Variants in KCNK2 observed in about 807,000 individuals in gnomAD.
KCNK2 encodes potassium two pore domain channel subfamily K member 2.
KCNK2 carries 21 observed loss-of-function variants against 40.5 expected under a neutral mutation model. The observed-to-expected ratio is 0.52, with a 90% confidence interval of 0.37 to 0.75. KCNK2 has a LOEUF of 0.75. KCNK2 is among the 30% of genes least tolerant of loss of function. The pLI, the probability that KCNK2 is intolerant of heterozygous loss-of-function variation, is 0.00. For missense variants in KCNK2, 399 were observed against 531.6 expected, an observed-to-expected ratio of 0.75 and a Z score of 2.45; for synonymous variants, 191 against 202.2, an observed-to-expected ratio of 0.94 and a Z score of 0.47.
intron 2 of KCNK2, among the ~76,000 whole-genome samples, chr1:215,119,711 A>G (rs1399541194): frequency 1.3e-5 from 2 of 152,192 alleles, no homozygotes; most frequent in Non-Finnish European, 2.9e-5. Flanking sequence ...GCTTATCTTA[A>G]CCTAAACCAT....
rs200410232 is a variant in KCNK2, at chr1:215,051,135, G to C, written c.35-35233G>C. ...GCTGGAGGATAGTGGCCATTCACAG[G>C]TGCAATCATTTTATACCGCCACCTC... On this transcript the variant is annotated intron_variant, in intron 1 of 6. Transcript: ENST00000391895. Among the ~76,000 whole-genome samples, 20 of 152,234 alleles carry C rather than the reference G, an allele frequency of 1.3e-4. No individual in the cohort carries two copies. In the East Asian group the frequency reaches 3.7e-3, roughly 28 times the overall value.
At chr1:215,186,271 C>T (rs571410459) in intron 5 of KCNK2, among the ~76,000 whole-genome samples, 1 of 152,096 alleles carries the variant, frequency 6.6e-6, no homozygotes, top group East Asian at 1.9e-4. Flanking sequence ...ATTAGCTGTA[C>T]ATGGTGGCAT....
chr1:215,223,384 G>A (rs1446709564), intron 6 of KCNK2, among the ~76,000 whole-genome samples: 4 of 152,034 alleles, frequency 2.6e-5, no homozygotes, highest in African/African-American at 4.8e-5. Context: ...GACAGGACTG[G>A]CTTACCTTTG....
intron 1 of KCNK2, among the ~76,000 whole-genome samples, chr1:215,085,752 A>C (rs1659403694): frequency 6.6e-6 from 1 of 152,222 alleles, no homozygotes; most frequent in Admixed American, 6.5e-5. Flanking sequence ...TTTGGAGGAC[A>C]GGCAAAAAGA....
At chr1:215,006,455 G>A (rs190207261) in intron 1 of KCNK2, among the ~76,000 whole-genome samples, 11 of 152,056 alleles carry the variant, frequency 7.2e-5, no homozygotes, top group Non-Finnish European at 1.5e-4. Flanking sequence ...GGGAAGAAAA[G>A]GTACGATAGT....
At chr1:215,222,168 C>A (rs555198474) in intron 6 of KCNK2, among the ~76,000 whole-genome samples, 1 of 152,196 alleles carries the variant, frequency 6.6e-6, no homozygotes, top group African/African-American at 2.4e-5. Context: ...AACATCTCCC[C>A]CCAGTCCCCA....
At chr1:215,168,630 G>A (rs766161783) in intron 3 of KCNK2, among the ~76,000 whole-genome samples, 23 of 152,068 alleles carry the variant, frequency 1.5e-4, no homozygotes, top group Admixed American at 4.6e-4. Flanking sequence ...ACATGTTCTC[G>A]CTCATAAGTG....
At chr1:215,105,792 A>C (rs757974691) in intron 2 of KCNK2, among the ~76,000 whole-genome samples, 4 of 151,660 alleles carry the variant, frequency 2.6e-5, no homozygotes, top group Non-Finnish European at 4.4e-5. Flanking sequence ...TCCCATCTTT[A>C]TGTCTGTGCA....
chr1:215,131,006 G>T (rs1304067848), intron 3 of KCNK2, among the ~76,000 whole-genome samples: 1 of 150,620 alleles, frequency 6.6e-6, no homozygotes, highest in Non-Finnish European at 1.5e-5. Context: ...GACTACAGGC[G>T]CCCGCCACTG....
rs200970212 is a variant in KCNK2 at position 215,016,252 on chromosome 1, C to CA, written c.34+10304dup. On this transcript the variant is annotated intron_variant, in intron 1 of 6. Coordinates refer to the KCNK2 transcript ENST00000391895. ...ATTCAGAGCATGAAGCATACGGAGA[C>CA]AAAAAAATGAAAAATACAAGAGTTA... is the stretch of plus-strand genomic sequence containing the variant. Among the ~76,000 whole-genome samples the CA allele has an allele frequency of 2.6e-3, 392 of 151,270 alleles. 4 individuals are homozygous for CA. The East Asian group carries it at 0.026, about 10-fold the overall frequency.
intron 2 of KCNK2, among the ~76,000 whole-genome samples, chr1:215,112,144 C>A (rs575333321): frequency 2.6e-5 from 4 of 152,136 alleles, no homozygotes; most frequent in African/African-American, 9.6e-5. Flanking sequence ...ACAAGACAGG[C>A]ACCAGTCCCT....
At chr1:215,050,457 G>A (rs1021940285) in intron 1 of KCNK2, among the ~76,000 whole-genome samples, 2 of 152,006 alleles carry the variant, frequency 1.3e-5, no homozygotes, top group African/African-American at 4.8e-5. Flanking sequence ...TAGGTGATGG[G>A]GACAGTACAA....
chr1:215,179,433 T>G (rs2102647062), intron 5 of KCNK2, among the ~76,000 whole-genome samples: 1 of 152,150 alleles, frequency 6.6e-6, no homozygotes, highest in East Asian at 1.9e-4. Flanking sequence ...TTTCTTCTTG[T>G]TTTTCTAGTT....
At chr1:215,110,928 C>A (rs2102562721) in intron 2 of KCNK2, among the ~76,000 whole-genome samples, 1 of 152,228 alleles carries the variant, frequency 6.6e-6, no homozygotes, top group Non-Finnish European at 1.5e-5. Context: ...GGATAACATA[C>A]AATGTCATGT....
At chr1:215,226,803 A>G (rs1186412214) in intron 6 of KCNK2, among the ~76,000 whole-genome samples, 7 of 152,174 alleles carry the variant, frequency 4.6e-5, no homozygotes, top group Non-Finnish European at 2.9e-5. Context: ...TATATATACA[A>G]TAGGCGTGAT....
intron 2 of KCNK2, among the ~76,000 whole-genome samples, chr1:215,119,806 G>A (rs945678414): frequency 6.6e-6 from 1 of 151,944 alleles, no homozygotes; most frequent in African/African-American, 2.4e-5. Context: ...TTATCTATTC[G>A]GTGATTATGT....
At chr1:215,185,179 T>C (rs1298681800) in intron 5 of KCNK2, among the ~76,000 whole-genome samples, 1 of 152,178 alleles carries the variant, frequency 6.6e-6, no homozygotes, top group East Asian at 1.9e-4. Context: ...TATAGAAATA[T>C]ACGTTAATTA....
intron 1 of KCNK2, among the ~76,000 whole-genome samples, chr1:215,056,349 G>A (rs1480954351): frequency 6.7e-6 from 1 of 149,430 alleles, no homozygotes; most frequent in African/African-American, 2.4e-5. Context: ...TTACCTGAAG[G>A]GGTGGCTTAT....
intron 1 of KCNK2, among the ~76,000 whole-genome samples, chr1:215,049,406 T>A (rs1408796029): frequency 6.6e-6 from 1 of 152,206 alleles, no homozygotes; most frequent in Non-Finnish European, 1.5e-5. Context: ...CACTGTCAGA[T>A]ATATGGTTTA....
Sources: allele counts gnomAD v4.1 joint callset (sites outside exome capture counted in the v4.1 genomes callset), GRCh38; gene constraint gnomAD v4.1.1; transcripts MANE v1.5; gene names NCBI Gene and HGNC (gene_info 2026-07-23, HGNC 2026-07-21).